The following EEFSEC variants were observed in gnomAD, a reference collection of about 807,000 sequenced individuals.
The protein encoded by EEFSEC is selenocysteine-specific elongation factor.
In EEFSEC, 43 loss-of-function variants were observed where a neutral mutation model predicts 42.1. The observed-to-expected ratio is 1.02, with a 90% CI of 0.80 to 1.32. The LOEUF is 1.32. Ranked by LOEUF, EEFSEC falls within the 40% of genes most tolerant of loss-of-function variation. EEFSEC has a pLI of 0.00. For missense variants in EEFSEC, 745 were observed against 803.6 expected (o/e 0.93, Z 0.88); for synonymous variants, 354 against 339.1 (o/e 1.04, Z -0.48).
intron 1 of EEFSEC, among the ~76,000 whole-genome samples, chr3:128,230,980 G>A (rs543375711): frequency 6.6e-6 from 1 of 152,280 alleles, no homozygotes; most frequent in African/African-American, 2.4e-5. Flanking sequence ...ACTAATTTAT[G>A]TTGCCTCAGA....
chr3:128,237,865 G>A (rs2999080), intron 1 of EEFSEC, among the ~76,000 whole-genome samples: 130,568 of 152,136 alleles, frequency 0.86, 56,244 homozygotes, highest in East Asian at 0.99. Flanking sequence ...CTGCAGGACT[G>A]TGCCTCAGGT....
intron 5 of EEFSEC, among the ~76,000 whole-genome samples, chr3:128,356,356 T>C (rs2067454079): frequency 6.6e-6 from 1 of 152,178 alleles, no homozygotes; most frequent in South Asian, 2.1e-4. Context: ...CAGTCAGATG[T>C]AACCCCAGGG....
chr3:128,405,091 A>T (rs1322167269), intron 6 of EEFSEC, among the ~76,000 whole-genome samples: 4 of 149,460 alleles, frequency 2.7e-5, no homozygotes, highest in Admixed American at 6.7e-5. Context: ...ATCTCGGCTC[A>T]CTGCAAGCTC....
At chr3:128,388,382 G>A (rs1211380777) in intron 6 of EEFSEC, among the ~76,000 whole-genome samples, 1 of 152,184 alleles carries the variant, frequency 6.6e-6, no homozygotes, top group Non-Finnish European at 1.5e-5. Flanking sequence ...GTCCATCTCT[G>A]CCTTCGAGCT....
chr3:128,255,114 G>T (rs1296211157), intron 2 of EEFSEC, among the ~76,000 whole-genome samples: 1 of 152,166 alleles, frequency 6.6e-6, no homozygotes, highest in African/African-American at 2.4e-5. Context: ...AGAGTGCTGG[G>T]AATGGGGCTT....
intron 1 of EEFSEC, among the ~76,000 whole-genome samples, chr3:128,158,057 C>A (rs1318416380): frequency 6.6e-6 from 1 of 152,174 alleles, no homozygotes; most frequent in Non-Finnish European, 1.5e-5. Context: ...TTGATTCCAA[C>A]CCTCATGGAT....
At position 128,153,525 on chromosome 3, in the gene EEFSEC, G is replaced by T. The variant is rs1251305991; in HGVS notation, c.18G>T (p.Val6=). 2.6e-6 allele frequency: 4 copies of T among 1,514,864 alleles called. No homozygotes were observed. Among genetic ancestry groups the T allele is most frequent in the Non-Finnish European group, 8.8e-7 (1 of 1,137,876 alleles). 93.8% of individuals were successfully genotyped at this position (1,514,864 alleles called of 1,614,324 possible). Residue 6 remains valine (V), a synonymous_variant, in exon 1 of 7, where the codon GTG becomes GTT. Transcript: ENST00000254730. MAGRR[V]NVNVGVLGHI... is the part of the protein sequence containing the mutation. ...GCGGCGGCATGGCAGGGCGGCGGGT[G>T]AACGTGAACGTGGGCGTGCTGGGCC...
At chr3:128,407,323 C>G (rs1201287369) in intron 6 of EEFSEC, among the ~76,000 whole-genome samples, 3 of 152,200 alleles carry the variant, frequency 2.0e-5, no homozygotes, top group Non-Finnish European at 2.9e-5. Context: ...TGCGTATACC[C>G]CTGGCAGAGG....
intron 5 of EEFSEC, among the ~76,000 whole-genome samples, chr3:128,350,129 G>T (rs953210976): frequency 5.3e-5 from 8 of 152,216 alleles, no homozygotes; most frequent in Non-Finnish European, 1.2e-4. Flanking sequence ...AGGAGCACTC[G>T]CCAGCTTTGA....
chr3:128,253,150 A>G (rs202113403), intron 2 of EEFSEC, among the ~76,000 whole-genome samples: 92 of 152,356 alleles, frequency 6.0e-4, no homozygotes, highest in African/African-American at 2.2e-3. Context: ...CTATTACTAT[A>G]TATTGCCCAA....
intron 1 of EEFSEC, among the ~76,000 whole-genome samples, chr3:128,174,508 A>G (rs2065329000): frequency 6.6e-6 from 1 of 152,222 alleles, no homozygotes; most frequent in Admixed American, 6.5e-5. Flanking sequence ...AGGAGGTTTC[A>G]GACTGCCTCA....
rs545340323 is a variant in EEFSEC, at chr3:128,165,587, C to T, written c.316+11764C>T. 5.3e-5 allele frequency among the ~76,000 whole-genome samples: 8 copies of T among 152,310 alleles called. No homozygotes were observed. In the South Asian group the frequency reaches 1.4e-3, roughly 28 times the overall value. On this transcript the variant is annotated intron_variant, in intron 1 of 6. Coordinates refer to ENST00000254730, the MANE Select transcript of EEFSEC (RefSeq NM_021937.5). ...AGAGAGAAGTTGACTTTCCCTCTTT[C>T]CATATCTCTTGTGTTGTGATGATTC...
chr3:128,311,631 C>T (rs73197383), intron 4 of EEFSEC, among the ~76,000 whole-genome samples: 20,846 of 152,240 alleles, frequency 0.14, 1,620 homozygotes, highest in African/African-American at 0.21. Flanking sequence ...CTTGTCCTTT[C>T]AGGCTTCGGT....
chr3:128,221,461 A>T (rs542510227), intron 1 of EEFSEC, among the ~76,000 whole-genome samples: 1 of 152,314 alleles, frequency 6.6e-6, no homozygotes, highest in East Asian at 1.9e-4. Flanking sequence ...CACCCAGGAG[A>T]GGACAGAATT....
intron 5 of EEFSEC, among the ~76,000 whole-genome samples, chr3:128,342,969 C>T (rs1442448360): frequency 4.6e-5 from 7 of 152,262 alleles, no homozygotes; most frequent in Non-Finnish European, 8.8e-5. Context: ...TGGGTCCAAG[C>T]GGATCAGCAG....
At chr3:128,399,125 A>G (rs57123964) in intron 6 of EEFSEC, among the ~76,000 whole-genome samples, 2,257 of 152,132 alleles carry the variant, frequency 0.015, 53 homozygotes, top group African/African-American at 0.051. Flanking sequence ...AAACCCTTCC[A>G]TCCGCATAAT....
chr3:128,293,959 G>C (rs944542828), intron 4 of EEFSEC, among the ~76,000 whole-genome samples: 3 of 152,230 alleles, frequency 2.0e-5, no homozygotes, highest in African/African-American at 7.2e-5. Context: ...AGTTAGGGAA[G>C]CTCACACACA....
At chr3:128,291,647 A>G (rs1326318217) in intron 4 of EEFSEC, among the ~76,000 whole-genome samples, 1 of 152,374 alleles carries the variant, frequency 6.6e-6, no homozygotes, top group East Asian at 1.9e-4. Flanking sequence ...TTTTCCTGCT[A>G]AATTGCTCAC....
At chr3:128,228,140 T>C (rs1046965209) in intron 1 of EEFSEC, among the ~76,000 whole-genome samples, 9 of 152,176 alleles carry the variant, frequency 5.9e-5, no homozygotes, top group Non-Finnish European at 1.2e-4. Flanking sequence ...TTCATACATA[T>C]TTGTTGAGCA....
Sources: allele counts gnomAD v4.1 joint callset (sites outside exome capture counted in the v4.1 genomes callset), GRCh38; gene constraint gnomAD v4.1.1; transcripts MANE v1.5; gene names NCBI Gene and HGNC (gene_info 2026-07-23, HGNC 2026-07-21).